Variants in TUBB6 observed in about 807,000 individuals in gnomAD.
The protein encoded by TUBB6 is tubulin beta-6 chain.
In TUBB6, 18 loss-of-function variants were observed where a neutral mutation model predicts 32.3. That is an observed-to-expected ratio of 0.56 (90% CI 0.39 to 0.83). The LOEUF is 0.83. Ranked by LOEUF, TUBB6 falls within the 40% of genes least tolerant of loss-of-function variation. The pLI, the probability that TUBB6 is intolerant of heterozygous loss-of-function variation, is 0.00. For synonymous variants in TUBB6, 280 were observed against 265.8 expected (o/e 1.05, Z -0.52); for missense variants, 480 against 632.0 (o/e 0.76, Z 2.58).
At chr18:12,311,196 A>G in intron 3 of TUBB6, 143 bp downstream of exon 3, 2 of 680,068 alleles carry the variant, frequency 2.9e-6, no homozygotes, top group Admixed American at 3.0e-5. Context: ...TCCCATCCCT[A>G]GCTGGGTTCA....
chr18:12,321,369 T>C (rs1906979301), intron 3 of TUBB6, among the ~76,000 whole-genome samples: 1 of 152,198 alleles, frequency 6.6e-6, no homozygotes, highest in Admixed American at 6.5e-5. Flanking sequence ...TGTGTAAGGC[T>C]GCACTTGTTA....
At chr18:12,308,171 C>T (rs981425533), upstream of TUBB6, 732 of 556,228 alleles carry the variant, frequency 1.3e-3, 8 homozygotes, top group African/African-American at 0.014. Context: ...GGGCCCGCAG[C>T]CATTGGCGAG....
chr18:12,308,130 G>C (rs1369662663), upstream of TUBB6: 1 of 242,142 alleles, frequency 4.1e-6, no homozygotes, highest in South Asian at 1.4e-4. Context: ...CTGCAGGCCG[G>C]GCCGCGGCGT....
chr18:12,324,196 C>T (rs1279682179), intron 3 of TUBB6, among the ~76,000 whole-genome samples: 1 of 151,998 alleles, frequency 6.6e-6, no homozygotes. Flanking sequence ...GGTGAAACCC[C>T]GTCTCTACTA....
chr18:12,314,304 C>G (rs1037183944), intron 3 of TUBB6, among the ~76,000 whole-genome samples: 1 of 152,000 alleles, frequency 6.6e-6, no homozygotes, highest in African/African-American at 2.4e-5. Context: ...CCTATCTCCC[C>G]CACTTGTTGT....
chr18:12,325,083 G>T lies in TUBB6; in HGVS notation c.294G>T (p.Gly98=). 1 of 1,575,736 alleles carries T rather than the reference G, an allele frequency of 6.3e-7. No individual in the cohort carries two copies. The stretch of plus-strand genomic sequence containing the variant: ...TTGTTGCAGGCCAGACGGGTGCAGG[G>T]AACAACTGGGCGAAAGGGCACTACA... ...DNFIFGQTGA[G]NNWAKGHYTE... The change falls in exon 4 of 4, where the codon GGG becomes GGT. Residue 98 remains glycine (G), a synonymous_variant. Coordinates refer to ENST00000317702, the MANE Select transcript of TUBB6 (RefSeq NM_032525.3).
chr18:12,325,825 C>G lies in TUBB6; in HGVS notation c.1036C>G (p.Pro346Ala). The change falls in exon 4 of 4, where the codon CCC becomes GCC. Residue 346 changes from proline to alanine, a missense_variant. Physicochemically the swap from Pro to Ala is conservative, Grantham distance 27. Transcript: ENST00000317702. ...KNSSYFVEWI[P>A]NNVKVAVCDI... ...CAGCAGCTACTTCGTGGAGTGGATTCCCAACAACGTGAAGGTGGCCGTGTG... is the reference window on the plus strand; with the variant it reads ...CAGCAGCTACTTCGTGGAGTGGATTGCCAACAACGTGAAGGTGGCCGTGTG... 1 of 1,614,250 alleles carries G rather than the reference C, an allele frequency of 6.2e-7. No homozygotes were observed. Among genetic ancestry groups the G allele is most frequent in the African/African-American group, 1.3e-5 (1 of 75,070 alleles).
intron 3 of TUBB6, among the ~76,000 whole-genome samples, chr18:12,315,596 A>G (rs572689445): frequency 2.0e-5 from 3 of 152,212 alleles, no homozygotes; most frequent in Non-Finnish European, 2.9e-5. Context: ...TGGCCCTTCT[A>G]TTCTACACTG....
chr18:12,322,601 G>T (rs1374532691), intron 3 of TUBB6, among the ~76,000 whole-genome samples: 1 of 152,126 alleles, frequency 6.6e-6, no homozygotes, highest in Non-Finnish European at 1.5e-5. Context: ...CTCACTATTT[G>T]ATTTTTGGGA....
Position 12,325,770 on chromosome 18 carries a change from C to A in TUBB6, c.981C>A (p.Asp327Glu). 6.2e-7 allele frequency: 1 copy of A among 1,614,206 alleles called. No individual in the cohort carries two copies. The highest frequency in any genetic ancestry group is 8.5e-7 in the Non-Finnish European group (1 of 1,180,048). Residue 327 changes from aspartate (D) to glutamate (E), a missense_variant, in exon 4 of 4, where the codon GAC becomes GAA. Asp to Glu is a conservative substitution (Grantham distance 45). Coordinates refer to ENST00000317702, the MANE Select transcript of TUBB6 (RefSeq NM_032525.3). ...GGCCCATGTCCATGAAGGAGGTGGA[C>A]GAGCAGATGCTGGCCATCCAGAGTA... ...FRGPMSMKEVDEQMLAIQSKN... is the reference protein window; with the variant it reads ...FRGPMSMKEVEEQMLAIQSKN...
chr18:12,314,640 A>AT (rs1829814979), intron 3 of TUBB6, among the ~76,000 whole-genome samples: 1 of 152,162 alleles, frequency 6.6e-6, no homozygotes, highest in African/African-American at 2.4e-5. Flanking sequence ...ATTTTTATAG[A>AT]TAAAAAAGAT....
chr18:12,308,584 C>T, intron 1 of TUBB6, 103 bp from the exon 2 acceptor site: 1 of 918,568 alleles, frequency 1.1e-6, no homozygotes, highest in Non-Finnish European at 1.7e-6. Flanking sequence ...GCGGCTCAGG[C>T]GCGCCTGGAA....
chr18:12,319,919 T>C (rs1906892355), intron 3 of TUBB6, among the ~76,000 whole-genome samples: 1 of 151,970 alleles, frequency 6.6e-6, no homozygotes, highest in Admixed American at 6.6e-5. Flanking sequence ...CCGGAGTAGC[T>C]GGGACTACAG....
chr18:12,319,076 G>A (rs1213950925), intron 3 of TUBB6, among the ~76,000 whole-genome samples: 2 of 151,756 alleles, frequency 1.3e-5, no homozygotes, highest in Non-Finnish European at 2.9e-5. Context: ...TATTCCCTAG[G>A]GGGATAACCG....
chr18:12,324,273 G>A (rs1156376901), intron 3 of TUBB6, among the ~76,000 whole-genome samples: 2 of 152,038 alleles, frequency 1.3e-5, no homozygotes, highest in African/African-American at 2.4e-5. Context: ...GGGAGGCTGA[G>A]GCAGGAGAAT....
At position 12,308,243 on chromosome 18, in the gene TUBB6, T is replaced by C; in HGVS notation, c.-50T>C. On this transcript the variant is annotated 5_prime_UTR_variant, in exon 1 of 4. Transcript: ENST00000317702. ...CGGGACGCGCGCAGCCGGCCCGCAG[T>C]TGCCGCTGTCGTCCGCAGAGCCAGT... is the stretch of plus-strand genomic sequence containing the variant. The C allele has an allele frequency of 7.5e-7, 1 of 1,333,954 alleles. No individual in the cohort carries two copies. Among genetic ancestry groups the C allele is most frequent in the Non-Finnish European group, 9.7e-7 (1 of 1,031,286 alleles). 82.6% of individuals were successfully genotyped at this position (1,333,954 alleles called of 1,614,324 possible).
chr18:12,329,693 A>G, downstream of TUBB6: 6 of 1,614,176 alleles, frequency 3.7e-6, no homozygotes, highest in Non-Finnish European at 5.1e-6. Flanking sequence ...AATTCTTCAT[A>G]GGTAGATTTT....
downstream of TUBB6, chr18:12,326,647 TG>T (rs1351492350): frequency 6.3e-6 from 1 of 158,248 alleles, no homozygotes; most frequent in Non-Finnish European, 1.4e-5. Flanking sequence ...GGTCTCTCCC[TG>T]GGGTGAACTC....
chr18:12,318,698 T>TTTCAGCTGGCCAGTTCTGC (rs1427398256), intron 3 of TUBB6, among the ~76,000 whole-genome samples: 2 of 152,056 alleles, frequency 1.3e-5, no homozygotes, highest in Non-Finnish European at 2.9e-5. Flanking sequence ...CTGTGGTCAG[T>TTTCAGCTGGCCAGTTCTGC]TTCAGCTGGC....
Sources: gnomAD v4.1 joint callset for allele counts (sites outside exome capture counted in the v4.1 genomes callset) on GRCh38, gnomAD v4.1.1 for gene constraint, MANE v1.5 for transcripts, NCBI Gene and HGNC (gene_info 2026-07-23, HGNC 2026-07-21) for gene names.